TTC7B: variants seen among roughly 807,000 people sequenced by gnomAD.
The protein encoded by TTC7B is tetratricopeptide repeat domain 7B, also known as tetratricopeptide repeat protein 7B.
Under a neutral mutation model 106.8 loss-of-function variants are expected in TTC7B, and 28 were observed. That is an observed-to-expected ratio of 0.26 (90% CI 0.19 to 0.36). The LOEUF is 0.36. Among genes scored for constraint, TTC7B ranks in the 10% least tolerant of loss-of-function variants. The pLI, the probability that TTC7B is intolerant of heterozygous loss-of-function variation, is 1.00. For synonymous variants in TTC7B, 405 were observed against 430.6 expected, an observed-to-expected ratio of 0.94 and a Z score of 0.74; for missense variants, 862 against 1,076.4, an observed-to-expected ratio of 0.80 and a Z score of 2.79.
intron 3 of TTC7B, among the ~76,000 whole-genome samples, chr14:90,751,070 T>G (rs1566869940): frequency 6.6e-6 from 1 of 152,252 alleles, no homozygotes; most frequent in Non-Finnish European, 1.5e-5. Context: ...TGTTTTTACT[T>G]ATTTTCTTTT....
At chr14:90,612,663 C>G (rs962180145) in intron 16 of TTC7B, among the ~76,000 whole-genome samples, 1 of 152,184 alleles carries the variant, frequency 6.6e-6, no homozygotes, top group Non-Finnish European at 1.5e-5. Context: ...CTTCCCTGAT[C>G]AGATGAAGAT....
intron 5 of TTC7B, among the ~76,000 whole-genome samples, chr14:90,711,853 T>A (rs1296073229): frequency 6.6e-6 from 1 of 152,086 alleles, no homozygotes; most frequent in Non-Finnish European, 1.5e-5. Flanking sequence ...AAAAAAGACA[T>A]AAGACATACA....
intron 3 of TTC7B, among the ~76,000 whole-genome samples, chr14:90,764,052 T>C (rs1297969563): frequency 1.3e-5 from 2 of 151,998 alleles, no homozygotes; most frequent in African/African-American, 4.8e-5. Flanking sequence ...CTCCCCAAAC[T>C]CAAAACTTAC....
Position 90,777,155 on chromosome 14 carries a change from A to G in TTC7B, c.445+3583T>C, listed in dbSNP as rs550625762. On this transcript the variant is annotated intron_variant, in intron 3 of 19. Transcript: ENST00000328459. ...CTTGTGAGGCTGAGGCAGAAGAATC[A>G]CTTGAACCTGGGAAGCGGAGGTTGC... is the stretch of plus-strand genomic sequence containing the variant. Among the ~76,000 whole-genome samples the G allele has an allele frequency of 3.9e-5, 6 of 152,286 alleles. No individual in the cohort carries two copies. In the East Asian group the frequency reaches 9.7e-4, roughly 25 times the overall value.
chr14:90,646,885 A>C, intron 14 of TTC7B, 66 bp downstream of exon 14: 1 of 1,398,652 alleles, frequency 7.1e-7, no homozygotes, highest in South Asian at 1.2e-5. Flanking sequence ...CTTCAAACTG[A>C]AGAGCTGAAG....
intron 5 of TTC7B, among the ~76,000 whole-genome samples, chr14:90,704,265 C>T (rs1382089763): frequency 6.6e-6 from 1 of 152,248 alleles, no homozygotes; most frequent in Non-Finnish European, 1.5e-5. Flanking sequence ...CCAAAAGCAG[C>T]CACTGGTGTG....
chr14:90,597,614 C>T (rs370578256), intron 17 of TTC7B, among the ~76,000 whole-genome samples: 9 of 151,902 alleles, frequency 5.9e-5, no homozygotes, highest in South Asian at 2.1e-4. Context: ...GCTGAGACTG[C>T]GCCATTGCAC....
intron 14 of TTC7B, 47 bp from the exon 15 acceptor site, chr14:90,644,255 ACGCACACACACACACACACACACACG>A: frequency 7.3e-7 from 1 of 1,373,020 alleles, no homozygotes; most frequent in Non-Finnish European, 9.7e-7. Flanking sequence ...ACACATGCAC[ACGCACACACACACACACACACACACG>A]CGCGAAAGAA....
At chr14:90,699,197 G>A (rs45602131) in intron 5 of TTC7B, 20,512 of 455,810 alleles carry the variant, frequency 0.045, 612 homozygotes, top group Non-Finnish European at 0.06. Context: ...CCACATTCTC[G>A]GCTCTTTAAT....
At chr14:90,670,750 T>C (rs867360774) in intron 9 of TTC7B, among the ~76,000 whole-genome samples, 7 of 152,050 alleles carry the variant, frequency 4.6e-5, no homozygotes, top group African/African-American at 1.7e-4. Flanking sequence ...CAGGGTGTCA[T>C]GAAAAAATGG....
intron 15 of TTC7B, among the ~76,000 whole-genome samples, chr14:90,638,771 C>T (rs981776991): frequency 6.6e-6 from 1 of 152,194 alleles, no homozygotes; most frequent in Non-Finnish European, 1.5e-5. Context: ...CAAGACAAGC[C>T]ATGGCAACCT....
At position 90,640,276 on chromosome 14, in the gene TTC7B, C is replaced by CAA. The variant is rs67542338; in HGVS notation, c.1751+3770_1751+3771dup. On this transcript the variant is annotated intron_variant, in intron 15 of 19. Transcript: ENST00000328459. Reference sequence around the variant, plus strand: ...GACAGAGTGAGGCCCTGTCTCAAAACAAAAAAAAAAGAGAGAGAGAAAGAA... The same window carrying CAA: ...GACAGAGTGAGGCCCTGTCTCAAAACAAAAAAAAAAAAGAGAGAGAGAAAGAA... 2.2e-4 allele frequency among the ~76,000 whole-genome samples: 30 copies of CAA among 137,616 alleles called. No individual in the cohort carries two copies. In the South Asian group the frequency reaches 4.6e-3, roughly 21 times the overall value. 90.3% of individuals were successfully genotyped at this position (137,616 alleles called of 152,430 possible). A position where few individuals can be genotyped will look rare whatever the true frequency, so the allele number is the denominator to read the frequency against.
chr14:90,663,023 A>G lies in TTC7B; in HGVS notation c.1153-4636T>C, dbSNP rs1238560797. ...AGAGGGCACAACTTTACAGAACTGG[A>G]CCGGAATGTACGCTTATTCTTTATT... On this transcript the variant is annotated intron_variant, in intron 9 of 19. Transcript: ENST00000328459. This position sits in a 1 kb window ranked among gnomAD's most constrained non-coding sequence, Gnocchi z 4.5. Among the ~76,000 whole-genome samples, 1 of 152,214 alleles carries G rather than the reference A, an allele frequency of 6.6e-6. No homozygotes were observed. The highest frequency in any genetic ancestry group is 2.4e-5 in the African/African-American group (1 of 41,442).
intron 8 of TTC7B, among the ~76,000 whole-genome samples, chr14:90,678,212 C>T (rs1467940752): frequency 6.6e-6 from 1 of 152,060 alleles, no homozygotes; most frequent in Non-Finnish European, 1.5e-5. Flanking sequence ...AATAAATATC[C>T]CAGAATATTG....
At chr14:90,618,730 C>T (rs1893189082) in intron 15 of TTC7B, among the ~76,000 whole-genome samples, 2 of 152,212 alleles carry the variant, frequency 1.3e-5, no homozygotes, top group Admixed American at 1.3e-4. Flanking sequence ...CCAGATTCTA[C>T]TTATGTTTCT....
intron 3 of TTC7B, among the ~76,000 whole-genome samples, chr14:90,755,450 C>T (rs909420371): frequency 2.6e-5 from 4 of 152,022 alleles, no homozygotes; most frequent in African/African-American, 9.7e-5. Flanking sequence ...GAGTTTGAGA[C>T]CAGCCTGGGC....
At chr14:90,722,592 A>G (rs1377322260) in intron 5 of TTC7B, among the ~76,000 whole-genome samples, 1 of 152,188 alleles carries the variant, frequency 6.6e-6, no homozygotes, top group African/African-American at 2.4e-5. Flanking sequence ...GAACATTTCT[A>G]GGAAGTGGCC....
At chr14:90,705,048 G>A (rs1395221937) in intron 5 of TTC7B, among the ~76,000 whole-genome samples, 1 of 152,190 alleles carries the variant, frequency 6.6e-6, no homozygotes, top group Non-Finnish European at 1.5e-5. Context: ...AAGCCATCCA[G>A]AGGAGCTGCC....
At chr14:90,771,208 T>C (rs943689472) in intron 3 of TTC7B, among the ~76,000 whole-genome samples, 2 of 152,144 alleles carry the variant, frequency 1.3e-5, no homozygotes, top group African/African-American at 4.8e-5. Context: ...ATACGTGTTT[T>C]ACCAAAATAA....
Sources: allele counts gnomAD v4.1 joint callset (sites outside exome capture counted in the v4.1 genomes callset), GRCh38; gene constraint gnomAD v4.1.1; non-coding constraint Gnocchi (gnomAD v3.1); transcripts MANE v1.5; gene names NCBI Gene and HGNC (gene_info 2026-07-23, HGNC 2026-07-21).